The following TMEM243 variants were observed in gnomAD, a reference collection of about 807,000 sequenced individuals.
TMEM243 encodes transmembrane protein 243.
In TMEM243, 20 loss-of-function variants were observed where a neutral mutation model predicts 15.0. The observed-to-expected ratio is 1.33, with a 90% CI of 0.94 to 1.93. TMEM243 has a LOEUF of 1.93. TMEM243 is among the 30% of genes most tolerant of loss of function. The pLI is 0.00. For synonymous variants in TMEM243, 72 were observed against 52.7 expected (o/e 1.37, Z -1.59); for missense variants, 156 against 142.1 (o/e 1.10, Z -0.50).
At chr7:87,215,620 C>T (rs761665009) in intron 1 of TMEM243, among the ~76,000 whole-genome samples, 1 of 152,108 alleles carries the variant, frequency 6.6e-6, no homozygotes, top group African/African-American at 2.4e-5. Flanking sequence ...GGCTTGGAAA[C>T]TTCAGATATT....
intron 1 of TMEM243, among the ~76,000 whole-genome samples, chr7:87,214,971 T>C (rs1803001385): frequency 6.6e-6 from 1 of 151,956 alleles, no homozygotes; most frequent in Non-Finnish European, 1.5e-5. Context: ...AATTCCCACT[T>C]GTAGCATCAA....
In TMEM243 at chr7:87,219,478, T is replaced by G. The variant is rs1262573595; in HGVS notation, c.26A>C (p.Tyr9Ser). MEDFATRT[Y>S]GTSGLDNRPL... Reference sequence around the variant, plus strand: ...TCTGTTGTCCAGGCCACTGGTGCCGTAGGTCCTGGTAGCAAAGTCCTCCAT... The same window carrying G: ...TCTGTTGTCCAGGCCACTGGTGCCGGAGGTCCTGGTAGCAAAGTCCTCCAT... Residue 9 changes from tyrosine to serine, a missense_variant, in exon 1 of 4, where the codon TAC (tyrosine) becomes TCC (serine). Transcript: ENST00000257637. The G allele has an allele frequency of 3.1e-6, 5 of 1,614,134 alleles. No individual in the cohort carries two copies. In the Admixed American group the frequency reaches 8.3e-5, roughly 27 times the overall value.
Position 87,209,600 on chromosome 7 carries a change from GAGAGAGAGAGAC to G in TMEM243, c.78+9814_78+9825del, listed in dbSNP as rs1246309229. ...AGTGAGAGAGACAGTGAGACAGTGA[GAGAGAGAGAGAC>G]AGAGAGAGAGACTGAGATAGAGAGC... On this transcript the variant is annotated intron_variant, in intron 1 of 3. Transcript: ENST00000257637. 1.0e-4 allele frequency among the ~76,000 whole-genome samples: 15 copies of G among 145,492 alleles called. 1 individual carries two copies. Among genetic ancestry groups the G allele is most frequent in the African/African-American group, 2.4e-4 (9 of 37,320 alleles).
chr7:87,203,336 G>A lies in TMEM243; in HGVS notation c.79-4279C>T, dbSNP rs189040172. On this transcript the variant is annotated intron_variant, in intron 1 of 3. Transcript: ENST00000257637. ...AAAGCTAAAGAATCTACAAAGGCCA[G>A]GCATGGTGGCTCACACCTGTAATCC... Among the ~76,000 whole-genome samples, 4 of 152,304 alleles carry A rather than the reference G, an allele frequency of 2.6e-5. No homozygotes were observed. In the East Asian group the frequency reaches 7.7e-4, roughly 29 times the overall value.
chr7:87,197,905 C>T (rs773571027), intron 3 of TMEM243, 36 bp downstream of exon 3: 5 of 1,612,434 alleles, frequency 3.1e-6, no homozygotes, highest in Admixed American at 1.7e-5. Context: ...AACTTAAACC[C>T]TCAAGAACAC....
intron 1 of TMEM243, among the ~76,000 whole-genome samples, chr7:87,202,035 G>A (rs1801848387): frequency 1.3e-5 from 2 of 152,216 alleles, no homozygotes; most frequent in Admixed American, 6.5e-5. Context: ...CATAAAGACA[G>A]ACGTTGTGTG....
At chr7:87,197,711 T>C in intron 3 of TMEM243, 1 of 980,266 alleles carries the variant, frequency 1.0e-6, no homozygotes, top group Non-Finnish European at 1.2e-6. Context: ...TTTTTTTTTT[T>C]TTTTTAAGCT....
At chr7:87,209,592 GAC>G (rs777931750) in intron 1 of TMEM243, among the ~76,000 whole-genome samples, 96 of 149,314 alleles carry the variant, frequency 6.4e-4, no homozygotes, top group Non-Finnish European at 1.2e-3. Context: ...GAGACAGTGA[GAC>G]AGTGAGAGAG....
chr7:87,204,117 C>A lies in TMEM243; in HGVS notation c.79-5060G>T, dbSNP rs546238175. ...TGGCAGGCAAGAGAGAAAATGAGAG[C>A]CAAGCAAAAGGGGAAACCCCTTATA... is the stretch of plus-strand genomic sequence containing the variant. On this transcript the variant is annotated intron_variant, in intron 1 of 3. Coordinates refer to ENST00000257637, the MANE Select transcript of TMEM243 (RefSeq NM_024315.4). Among the ~76,000 whole-genome samples the A allele has an allele frequency of 1.4e-4, 22 of 152,218 alleles. No homozygotes were observed. In the South Asian group the frequency reaches 4.6e-3, roughly 32 times the overall value.
rs368477980 is a variant in TMEM243, at chr7:87,197,232, C to CAA, written c.235-475_235-474insTT. On this transcript the variant is annotated intron_variant, in intron 3 of 3. Coordinates refer to ENST00000257637, the MANE Select transcript of TMEM243 (RefSeq NM_024315.4). ...GGGATGGGCTAGTTCTTCTTCGGGT[C>CAA]ATGGGAGTATATAGCAGGATCAGTG... Among the ~76,000 whole-genome samples the CAA allele has an allele frequency of 2.6e-3, 396 of 152,198 alleles. 1 individual carries two copies. Among genetic ancestry groups the CAA allele is most frequent in the Non-Finnish European group, 4.2e-3 (286 of 67,970 alleles).
chr7:87,219,871 C>T (rs1803389205), upstream of TMEM243: 3 of 312,598 alleles, frequency 9.6e-6, no homozygotes, highest in South Asian at 1.2e-4. Context: ...GCCCGCCGCT[C>T]GCCCCCGGCT....
At chr7:87,214,513 A>G (rs2129238488) in intron 1 of TMEM243, among the ~76,000 whole-genome samples, 1 of 152,316 alleles carries the variant, frequency 6.6e-6, no homozygotes. Flanking sequence ...AGGGAGCTGG[A>G]GTTAAGAATT....
intron 3 of TMEM243, chr7:87,197,656 T>A: frequency 1.7e-6 from 2 of 1,197,786 alleles, no homozygotes; most frequent in South Asian, 3.9e-5. Flanking sequence ...TTAAGTAAAT[T>A]AAAATCTTTG....
chr7:87,202,811 C>T (rs1016644534), intron 1 of TMEM243, among the ~76,000 whole-genome samples: 31 of 152,362 alleles, frequency 2.0e-4, no homozygotes, highest in Admixed American at 1.6e-3. Flanking sequence ...GATTCCTTAA[C>T]CCATTTGACT....
rs1294793639 is a variant in TMEM243 at position 87,196,515 on chromosome 7, A to G, written c.*121T>C. On this transcript the variant is annotated 3_prime_UTR_variant, in exon 4 of 4. Coordinates refer to ENST00000257637, the MANE Select transcript of TMEM243 (RefSeq NM_024315.4). ...CAAGAGGGAATTAACATTTACAATT[A>G]ACATGAAAATCATGTATCAGACTTC... 1.0e-6 allele frequency: 1 copy of G among 990,076 alleles called. No individual in the cohort carries two copies. The allele number at this position is 990,076 out of a possible 1,614,324, so 61.3% of individuals were successfully genotyped here. A position where few individuals can be genotyped will look rare whatever the true frequency, so the allele number is the denominator to read the frequency against.
At chr7:87,209,852 G>GAGAC (rs1491316028) in intron 1 of TMEM243, among the ~76,000 whole-genome samples, 1 of 135,862 alleles carries the variant, frequency 7.4e-6, no homozygotes, top group East Asian at 2.1e-4. Context: ...CAGTGAGAGC[G>GAGAC]AGAGAGAGAG....
chr7:87,208,974 C>A (rs1053243938), intron 1 of TMEM243, among the ~76,000 whole-genome samples: 2 of 152,230 alleles, frequency 1.3e-5, no homozygotes, highest in Admixed American at 6.5e-5. Context: ...TGAAATAACA[C>A]ACTAACTGGG....
At position 87,197,951 on chromosome 7, in the gene TMEM243, G is replaced by A; in HGVS notation, c.224C>T (p.Ala75Val). 1.2e-6 allele frequency: 2 copies of A among 1,612,936 alleles called. No homozygotes were observed. The change falls in exon 3 of 4, where the codon GCC becomes GTC. Residue 75 changes from alanine (A) to valine (V), a missense_variant. Transcript: ENST00000257637. ...CTCAACAGTACTTACAAGTATGCAG[G>A]CAGTAATACTACTCAAAGAGATGCA... ...AVCISLSSIT[A>V]CILIYWYRQG...
At chr7:87,198,156 T>C (rs532305537) in intron 2 of TMEM243, 111 bp from the exon 3 acceptor site, 1 of 836,014 alleles carries the variant, frequency 1.2e-6, no homozygotes, top group East Asian at 2.7e-5. Context: ...TAAAATTACA[T>C]CTGCCACCAA....
Sources: gnomAD v4.1 joint callset for allele counts (sites outside exome capture counted in the v4.1 genomes callset) on GRCh38, gnomAD v4.1.1 for gene constraint, MANE v1.5 for transcripts, NCBI Gene and HGNC (gene_info 2026-07-23, HGNC 2026-07-21) for gene names.